Variants in TPCN1 observed in about 807,000 individuals in gnomAD.
The protein encoded by TPCN1 is two pore channel protein 1.
Under a neutral mutation model 108.8 loss-of-function variants are expected in TPCN1, and 52 were observed. The ratio of observed to expected loss-of-function variants is 0.48; its 90% CI spans 0.38 to 0.60. The LOEUF is 0.60. Among genes scored for constraint, TPCN1 ranks in the 20% least tolerant of loss-of-function variants. TPCN1 has a pLI of 0.00. For missense variants in TPCN1, 806 were observed against 1,072.8 expected, an observed-to-expected ratio of 0.75 and a Z score of 3.47; for synonymous variants, 446 against 433.7, an observed-to-expected ratio of 1.03 and a Z score of -0.35.
chr12:113,245,600 CAAAA>C (rs766002477), intron 2 of TPCN1, among the ~76,000 whole-genome samples: 4 of 43,190 alleles, frequency 9.3e-5, no homozygotes, highest in Non-Finnish European at 1.3e-4. Context: ...GACTCCGTCT[CAAAA>C]AAAAAAAAAA....
intron 2 of TPCN1, among the ~76,000 whole-genome samples, chr12:113,238,118 T>C (rs1953963579): frequency 6.6e-6 from 1 of 152,202 alleles, no homozygotes. Flanking sequence ...GATAAAGCCC[T>C]GATGTTCTGC....
intron 1 of TPCN1, chr12:113,225,359 T>A (rs1364774653): frequency 2.7e-6 from 1 of 366,928 alleles, no homozygotes. Flanking sequence ...GTGCCCAGCC[T>A]ATTTTTTTCT....
chr12:113,272,455 G>A lies in TPCN1; in HGVS notation c.749-203G>A, dbSNP rs1955535516. Among the ~76,000 whole-genome samples, 1 of 152,226 alleles carries A rather than the reference G, an allele frequency of 6.6e-6. No individual in the cohort carries two copies. The highest frequency in any genetic ancestry group is 2.4e-5 in the African/African-American group (1 of 41,458). ...AGCCGATAGTGCCCGGCACATTGCTGTAGGGCAGCAAGCGTCTGGTGCCAG... is the reference window on the plus strand; with the variant it reads ...AGCCGATAGTGCCCGGCACATTGCTATAGGGCAGCAAGCGTCTGGTGCCAG... On this transcript the variant is annotated intron_variant, in intron 7 of 27. Coordinates refer to ENST00000335509, the MANE Select transcript of TPCN1 (RefSeq NM_017901.6). The surrounding 1 kb of genome is among the most constrained non-coding windows in gnomAD (Gnocchi z 4.1).
intron 2 of TPCN1, chr12:113,244,446 C>G: frequency 1.0e-6 from 1 of 985,484 alleles, no homozygotes. Flanking sequence ...TCCATACCAT[C>G]TTGCAACCAA....
intron 2 of TPCN1, among the ~76,000 whole-genome samples, chr12:113,257,376 A>G (rs933935480): frequency 2.0e-5 from 3 of 152,070 alleles, no homozygotes; most frequent in East Asian, 1.9e-4. Flanking sequence ...CTGTAATCCC[A>G]GCTACTCAGG....
chr12:113,267,691 C>T (rs1489094351), intron 4 of TPCN1, 152 bp from the exon 5 acceptor site: 3 of 579,590 alleles, frequency 5.2e-6, no homozygotes, highest in Non-Finnish European at 9.3e-6. Context: ...GACCAAGGCT[C>T]TGTCTTTAGG....
chr12:113,274,549 T>C, intron 10 of TPCN1, among the ~76,000 whole-genome samples: 1 of 152,192 alleles, frequency 6.6e-6, no homozygotes. Context: ...CTTTTTGGAA[T>C]ATTTTTGATT....
chr12:113,225,198 G>A (rs1389010000), intron 1 of TPCN1: 17 of 451,636 alleles, frequency 3.8e-5, no homozygotes, highest in South Asian at 2.5e-4. Flanking sequence ...AGGCCTACAG[G>A]CATATGCCAT....
At chr12:113,265,910 C>T (rs1055239279) in intron 3 of TPCN1, among the ~76,000 whole-genome samples, 18 of 152,192 alleles carry the variant, frequency 1.2e-4, no homozygotes, top group African/African-American at 4.3e-4. Flanking sequence ...GATGTCACCA[C>T]ACCTGGCTGT....
chr12:113,261,542 C>T (rs1326561348), intron 3 of TPCN1, among the ~76,000 whole-genome samples: 1 of 151,098 alleles, frequency 6.6e-6, no homozygotes, highest in Non-Finnish European at 1.5e-5. Flanking sequence ...GATTTTCCTG[C>T]CTCAGCCTCC....
chr12:113,245,153 C>A (rs908524731), intron 2 of TPCN1, among the ~76,000 whole-genome samples: 3 of 152,090 alleles, frequency 2.0e-5, no homozygotes, highest in African/African-American at 7.2e-5. Flanking sequence ...CCTGTAGTCC[C>A]AGCTACTTGG....
At position 113,223,435 on chromosome 12, in the gene TPCN1, CT is replaced by C. The variant is rs1172851714; in HGVS notation, c.-126+1826del. Among the ~76,000 whole-genome samples, 771 of 120,238 alleles carry C rather than the reference CT, an allele frequency of 6.4e-3. 12 individuals carry two copies. The highest frequency in any genetic ancestry group is 0.044 in the South Asian group (164 of 3,740). The allele number at this position is 120,238 out of a possible 152,430, so 78.9% of individuals were successfully genotyped here. On this transcript the variant is annotated intron_variant, in intron 1 of 27. Coordinates refer to ENST00000335509, the MANE Select transcript of TPCN1 (RefSeq NM_017901.6). ...AGGTCTGCAGTCAGATCTGCTGAGT[CT>C]TTTTTTTTTTTTTTTTGGTTCTTCT...
In TPCN1 at chr12:113,288,780, T is replaced by C. The variant is rs1176926121; in HGVS notation, c.1729T>C (p.Phe577Leu). 2 of 1,613,030 alleles carry C rather than the reference T, an allele frequency of 1.2e-6. No homozygotes were observed. The highest frequency in any genetic ancestry group is 2.7e-5 in the African/African-American group (2 of 74,928). The change falls in exon 21 of 28, where the codon TTT (phenylalanine) becomes CTT (leucine). Residue 577 changes from phenylalanine (F) to leucine (L), a missense_variant. Physicochemically the swap from Phe to Leu is conservative, Grantham distance 22. Coordinates refer to ENST00000335509, the MANE Select transcript of TPCN1 (RefSeq NM_017901.6). This position sits in a 1 kb window ranked among gnomAD's most constrained non-coding sequence, Gnocchi z 4.8. ...CAGCCTGGGCCTCACCCTGCTCATC[T>C]TTTACTACTCCTTCGCCATCGTGGG... ...MASLGLTLLI[F>L]YYSFAIVGME...
chr12:113,225,038 A>C, intron 1 of TPCN1, among the ~76,000 whole-genome samples: 1 of 152,168 alleles, frequency 6.6e-6, no homozygotes, highest in East Asian at 1.9e-4. Context: ...GTTGTAAGCC[A>C]CCGTGCCCAG....
chr12:113,264,299 T>C (rs1955160279), intron 3 of TPCN1, among the ~76,000 whole-genome samples: 1 of 152,208 alleles, frequency 6.6e-6, no homozygotes, highest in South Asian at 2.1e-4. Flanking sequence ...TTTTTGCTAA[T>C]GGGGCGAGCA....
chr12:113,275,513 G>A (rs1184797601), intron 10 of TPCN1, among the ~76,000 whole-genome samples: 3 of 152,040 alleles, frequency 2.0e-5, no homozygotes, highest in African/African-American at 7.2e-5. Flanking sequence ...CAAAGTGCTG[G>A]GATTACAGGT....
intron 22 of TPCN1, 78 bp downstream of exon 22, chr12:113,290,321 G>T: frequency 9.5e-7 from 1 of 1,050,758 alleles, no homozygotes; most frequent in Non-Finnish European, 1.4e-6. Context: ...GGTCCCAGAG[G>T]TGGTGTAGCA....
chr12:113,232,927 G>C lies in TPCN1; in HGVS notation c.112+5963G>C, dbSNP rs1047220255. Among the ~76,000 whole-genome samples the C allele has an allele frequency of 2.0e-5, 3 of 152,222 alleles. No homozygotes were observed. Among genetic ancestry groups the C allele is most frequent in the Non-Finnish European group, 4.4e-5 (3 of 68,044 alleles). On this transcript the variant is annotated intron_variant, in intron 2 of 27. Transcript: ENST00000335509. This position sits in a 1 kb window ranked among gnomAD's most constrained non-coding sequence, Gnocchi z 5.6. ...CCTCCGTGTAGCAGCTGGAGACCAAGCAGCAATTAGATTTTCACAGGCTCC... is the reference window on the plus strand; with the variant it reads ...CCTCCGTGTAGCAGCTGGAGACCAACCAGCAATTAGATTTTCACAGGCTCC...
At position 113,226,814 on chromosome 12, in the gene TPCN1, C is replaced by G. The variant is rs1365199360; in HGVS notation, c.-39C>G. The G allele has an allele frequency of 2.5e-6, 4 of 1,613,784 alleles. No homozygotes were observed. Among genetic ancestry groups the G allele is most frequent in the Non-Finnish European group, 3.4e-6 (4 of 1,179,934 alleles). On this transcript the variant is annotated 5_prime_UTR_variant, in exon 2 of 28. Transcript: ENST00000335509. Reference sequence around the variant, plus strand: ...GCTCAAACCAGAGACTATTTCAAGCCCTGGATATCATATCCTGAGGGCCAC... The same window carrying G: ...GCTCAAACCAGAGACTATTTCAAGCGCTGGATATCATATCCTGAGGGCCAC...
Sources: gnomAD v4.1 joint callset for allele counts (sites outside exome capture counted in the v4.1 genomes callset) on GRCh38, gnomAD v4.1.1 for gene constraint, Gnocchi (gnomAD v3.1) non-coding constraint, MANE v1.5 for transcripts, NCBI Gene and HGNC (gene_info 2026-07-23, HGNC 2026-07-21) for gene names.